Variants in FAM184A observed in about 807,000 individuals in gnomAD.
FAM184A encodes the protein family with sequence similarity 184 member A, also known as protein FAM184A.
A neutral mutation model predicts 143.8 loss-of-function variants in FAM184A; 99 were observed. The observed-to-expected ratio is 0.69, with a 90% CI of 0.58 to 0.81. The LOEUF is 0.81. Among genes scored for constraint, FAM184A ranks in the 40% least tolerant of loss-of-function variants. FAM184A has a pLI of 0.00. For missense variants in FAM184A, 1,217 were observed against 1,310.5 expected (o/e 0.93, Z 1.10); for synonymous variants, 427 against 446.4 (o/e 0.96, Z 0.55).
chr6:119,033,624 C>T (rs577341591), intron 1 of FAM184A, among the ~76,000 whole-genome samples: 10 of 149,196 alleles, frequency 6.7e-5, no homozygotes, highest in South Asian at 6.4e-4. Flanking sequence ...AAGATTATGC[C>T]GCTGCACTCC....
chr6:119,047,880 G>T (rs1209679942), intron 1 of FAM184A, among the ~76,000 whole-genome samples: 1 of 152,090 alleles, frequency 6.6e-6, no homozygotes. Context: ...CATTCTATAA[G>T]GCCAGCATTA....
At chr6:119,010,179 TTC>T (rs1255319055) in intron 6 of FAM184A, among the ~76,000 whole-genome samples, 1 of 152,216 alleles carries the variant, frequency 6.6e-6, no homozygotes, top group Non-Finnish European at 1.5e-5. Context: ...TTTTCTATAC[TTC>T]TTCTACTATA....
chr6:119,005,899 G>C, intron 7 of FAM184A: 1 of 523,068 alleles, frequency 1.9e-6, no homozygotes, highest in Non-Finnish European at 3.4e-6. Flanking sequence ...CTGTATATGA[G>C]AGTTCTACCT....
intron 1 of FAM184A, among the ~76,000 whole-genome samples, chr6:119,037,984 T>C (rs1354325584): frequency 6.6e-6 from 1 of 151,932 alleles, no homozygotes; most frequent in Non-Finnish European, 1.5e-5. Flanking sequence ...TTTGTCAGAA[T>C]ACAAGAAGGT....
At chr6:119,016,403 C>A (rs189394992) in intron 5 of FAM184A, among the ~76,000 whole-genome samples, 1 of 152,306 alleles carries the variant, frequency 6.6e-6, no homozygotes, top group East Asian at 1.9e-4. Context: ...CCACGAAGAT[C>A]TGCAGCTTCA....
At chr6:119,136,597 A>C (rs1001744274) in intron 1 of FAM184A, among the ~76,000 whole-genome samples, 1 of 152,210 alleles carries the variant, frequency 6.6e-6, no homozygotes, top group Non-Finnish European at 1.5e-5. Context: ...TAAATTGAAG[A>C]AGCAACTGAC....
chr6:119,062,452 C>A (rs1414425579), intron 1 of FAM184A, among the ~76,000 whole-genome samples: 1 of 151,924 alleles, frequency 6.6e-6, no homozygotes, highest in Admixed American at 6.6e-5. Flanking sequence ...TTGCTTGAGC[C>A]CTGGAATAAC....
At chr6:119,059,261 TG>T (rs1269730255) in intron 1 of FAM184A, among the ~76,000 whole-genome samples, 10 of 152,338 alleles carry the variant, frequency 6.6e-5, no homozygotes, top group Admixed American at 2.6e-4. Flanking sequence ...ATTATAGGTG[TG>T]AAACACCACA....
chr6:119,002,676 A>T (rs1157302443), intron 9 of FAM184A, among the ~76,000 whole-genome samples: 1 of 152,186 alleles, frequency 6.6e-6, no homozygotes, highest in African/African-American at 2.4e-5. Flanking sequence ...AAAAAATCAT[A>T]ATAAATTCTT....
At chr6:118,988,554 A>G (rs1229822517) in intron 9 of FAM184A, among the ~76,000 whole-genome samples, 2 of 152,254 alleles carry the variant, frequency 1.3e-5, no homozygotes, top group East Asian at 3.8e-4. Context: ...TTGCGGTGAA[A>G]ACCGCCAACA....
At chr6:119,129,448 T>G (rs1789468265) in intron 1 of FAM184A, among the ~76,000 whole-genome samples, 1 of 152,244 alleles carries the variant, frequency 6.6e-6, no homozygotes, top group African/African-American at 2.4e-5. Context: ...TTCACTGAGA[T>G]GCATGTTGCC....
intron 6 of FAM184A, among the ~76,000 whole-genome samples, chr6:119,006,969 A>G (rs1203190314): frequency 1.3e-5 from 2 of 152,224 alleles, no homozygotes; most frequent in African/African-American, 4.8e-5. Context: ...CTTAAAAACC[A>G]TCCTTTAAAA....
At chr6:119,099,757 G>C (rs1582615512) in intron 1 of FAM184A, among the ~76,000 whole-genome samples, 1 of 152,010 alleles carries the variant, frequency 6.6e-6, no homozygotes, top group East Asian at 1.9e-4. Flanking sequence ...CTTCCTGGAG[G>C]GGGGCGCACC....
intron 1 of FAM184A, among the ~76,000 whole-genome samples, chr6:119,033,972 C>A (rs1785992170): frequency 9.7e-6 from 1 of 102,832 alleles, no homozygotes; most frequent in Non-Finnish European, 1.7e-5. Context: ...GCCTGAGTGA[C>A]AGAGTGAGAC....
chr6:118,983,949 G>C (rs1283891844), intron 9 of FAM184A, among the ~76,000 whole-genome samples: 1 of 151,332 alleles, frequency 6.6e-6, no homozygotes, highest in Non-Finnish European at 1.5e-5. Context: ...AGGCATTTGA[G>C]ACCGGCCTGG....
chr6:119,002,757 TG>T, intron 9 of FAM184A, 141 bp downstream of exon 9: 1 of 706,436 alleles, frequency 1.4e-6, no homozygotes, highest in Non-Finnish European at 2.2e-6. Context: ...TACATCTTCC[TG>T]GTTTTATGTA....
intron 2 of FAM184A, among the ~76,000 whole-genome samples, chr6:119,023,391 A>G (rs1467443446): frequency 1.3e-5 from 2 of 152,146 alleles, no homozygotes; most frequent in Admixed American, 1.3e-4. Flanking sequence ...AGACTTGTGC[A>G]ATACCCCTAT....
intron 1 of FAM184A, among the ~76,000 whole-genome samples, chr6:119,035,637 C>A (rs985863579): frequency 6.6e-6 from 1 of 152,146 alleles, no homozygotes; most frequent in Non-Finnish European, 1.5e-5. Flanking sequence ...GATAAGAGCT[C>A]TGAAGCCTGC....
intron 1 of FAM184A, among the ~76,000 whole-genome samples, chr6:119,034,880 A>G (rs1173775074): frequency 6.6e-6 from 1 of 152,166 alleles, no homozygotes; most frequent in African/African-American, 2.4e-5. Flanking sequence ...ACTCAGTATT[A>G]AGAGATAAGA....
Sources: allele counts gnomAD v4.1 joint callset (sites outside exome capture counted in the v4.1 genomes callset), GRCh38; gene constraint gnomAD v4.1.1; transcripts MANE v1.5; gene names NCBI Gene and HGNC (gene_info 2026-07-23, HGNC 2026-07-21).